Variants in SOX6 observed in about 807,000 individuals in gnomAD.
SOX6 encodes SRY-box transcription factor 6, also known as transcription factor SOX-6.
In SOX6, 11 loss-of-function variants were observed where a neutral mutation model predicts 97.8. That is an observed-to-expected ratio of 0.11 (90% CI 0.07 to 0.19). SOX6 has a LOEUF of 0.19. Ranked by LOEUF, SOX6 falls within the 10% of genes least tolerant of loss-of-function variation. The pLI is 1.00. For missense variants in SOX6, 810 were observed against 1,039.5 expected (o/e 0.78, Z 3.04); for synonymous variants, 360 against 371.4 (o/e 0.97, Z 0.35).
chr11:16,181,736 A>C (rs1851353356), intron 6 of SOX6, among the ~76,000 whole-genome samples: 1 of 151,764 alleles, frequency 6.6e-6, no homozygotes, highest in Non-Finnish European at 1.5e-5. Context: ...GCAGTAGCTC[A>C]GGACAGAATG....
At chr11:16,132,301 AG>A (rs1564971837) in intron 6 of SOX6, among the ~76,000 whole-genome samples, 1 of 127,710 alleles carries the variant, frequency 7.8e-6, no homozygotes, top group African/African-American at 3.1e-5. Flanking sequence ...GAAGGAAGGA[AG>A]GAAGGAAGGA....
intron 3 of SOX6, among the ~76,000 whole-genome samples, chr11:16,272,184 T>C (rs1415260674): frequency 6.6e-6 from 1 of 151,618 alleles, no homozygotes; most frequent in East Asian, 1.9e-4. Context: ...TCAAAGTTTC[T>C]TTATTTCATT....
intron 1 of SOX6, among the ~76,000 whole-genome samples, chr11:16,351,739 C>T (rs2164783): frequency 0.29 from 43,781 of 151,872 alleles, 6,860 homozygotes; most frequent in African/African-American, 0.38. Flanking sequence ...CAGTTAACTA[C>T]GATCTACCCC....
chr11:16,461,085 A>G (rs1859916202), intron 1 of SOX6, among the ~76,000 whole-genome samples: 1 of 152,136 alleles, frequency 6.6e-6, no homozygotes, highest in Admixed American at 6.6e-5. Flanking sequence ...ATGAGATGGA[A>G]ATGGATTTGC....
chr11:16,253,772 GA>G (rs1368002924), intron 3 of SOX6, among the ~76,000 whole-genome samples: 1 of 151,840 alleles, frequency 6.6e-6, no homozygotes, highest in African/African-American at 2.4e-5. Flanking sequence ...AGAAGGAAAA[GA>G]AAAAGAGAAA....
chr11:16,451,975 C>T (rs1022203535), intron 1 of SOX6, among the ~76,000 whole-genome samples: 2 of 58,740 alleles, frequency 3.4e-5, no homozygotes, highest in Middle Eastern at 0.017. Context: ...AGAGCAAGAC[C>T]CTATCTAAAA....
intron 3 of SOX6, among the ~76,000 whole-genome samples, chr11:16,688,732 AATTG>A (rs1276942138): frequency 1.3e-5 from 2 of 152,078 alleles, no homozygotes; most frequent in Non-Finnish European, 2.9e-5. Context: ...GGTAAGTTTC[AATTG>A]ATTGATTGTT....
chr11:16,509,413 C>T (rs1453862281), intron 4 of SOX6, among the ~76,000 whole-genome samples: 7 of 151,948 alleles, frequency 4.6e-5, no homozygotes, highest in African/African-American at 1.7e-4. Context: ...TTTACATTTC[C>T]CTCGAGTCAG....
At chr11:16,116,639 A>G (rs1417845195) in intron 6 of SOX6, among the ~76,000 whole-genome samples, 1 of 152,204 alleles carries the variant, frequency 6.6e-6, no homozygotes, top group Admixed American at 6.5e-5. Flanking sequence ...CAACCAGAGT[A>G]CTGACATTGA....
At chr11:16,309,011 AC>A (rs1350255095) in intron 3 of SOX6, among the ~76,000 whole-genome samples, 1 of 152,246 alleles carries the variant, frequency 6.6e-6, no homozygotes, top group Non-Finnish European at 1.5e-5. Context: ...AAAGGTATAG[AC>A]AGTTAAAGCT....
Position 16,651,543 on chromosome 11 carries a change from T to C in SOX6, n.430-39283A>G, listed in dbSNP as rs144793379. On this transcript the variant is annotated intron_variant and non_coding_transcript_variant, in intron 3 of 5. Transcript: ENST00000524520. ...AAAATCATGTGATCATCTCAATAGA[T>C]GTAGAAAAAGCATTTGACAAAATCC... is the stretch of plus-strand genomic sequence containing the variant. Among the ~76,000 whole-genome samples, 1,086 of 152,236 alleles carry C rather than the reference T, an allele frequency of 7.1e-3. 15 individuals carry two copies. The highest frequency in any genetic ancestry group is 0.024 in the African/African-American group (980 of 41,568).
chr11:16,437,300 C>A (rs796819012), intron 1 of SOX6, among the ~76,000 whole-genome samples: 11 of 151,536 alleles, frequency 7.3e-5, no homozygotes, highest in African/African-American at 2.4e-4. Context: ...AGGTAAGGGC[C>A]TTAGAAATTC....
intron 1 of SOX6, among the ~76,000 whole-genome samples, chr11:16,373,403 TC>T (rs1229934907): frequency 2.0e-5 from 3 of 152,102 alleles, no homozygotes; most frequent in Non-Finnish European, 4.4e-5. Flanking sequence ...ACCTCACTCT[TC>T]CTTTCACACT....
intron 4 of SOX6, among the ~76,000 whole-genome samples, chr11:16,572,461 TG>T (rs1274645411): frequency 6.6e-6 from 1 of 152,178 alleles, no homozygotes; most frequent in East Asian, 1.9e-4. Context: ...CAGACAAAAA[TG>T]ACTAATATTT....
At chr11:16,010,125 T>TACACACACAC (rs67556517) in intron 13 of SOX6, among the ~76,000 whole-genome samples, 258 of 135,564 alleles carry the variant, frequency 1.9e-3, no homozygotes, top group African/African-American at 3.5e-3. Context: ...CAGTTGGAGC[T>TACACACACAC]ACACACACAC....
intron 1 of SOX6, among the ~76,000 whole-genome samples, chr11:16,363,937 G>A (rs973421581): frequency 6.6e-6 from 1 of 151,978 alleles, no homozygotes; most frequent in African/African-American, 2.4e-5. Flanking sequence ...AAAAACCCAA[G>A]TCTTCTGACA....
intron 15 of SOX6, among the ~76,000 whole-genome samples, chr11:15,973,444 A>C (rs1189653532): frequency 1.3e-5 from 2 of 152,230 alleles, no homozygotes; most frequent in African/African-American, 4.8e-5. Context: ...ACAATGTTAC[A>C]TGTGAAATAA....
chr11:16,259,506 A>G (rs767319553), intron 3 of SOX6, among the ~76,000 whole-genome samples: 1 of 152,136 alleles, frequency 6.6e-6, no homozygotes, highest in Non-Finnish European at 1.5e-5. Context: ...AAATTAAAGG[A>G]GCTGACTGCC....
At position 15,988,886 on chromosome 11, in the gene SOX6, G is replaced by C. The variant is rs540117853; in HGVS notation, c.1966+111C>G. The C allele has an allele frequency of 3.6e-6, 4 of 1,103,878 alleles. No individual in the cohort carries two copies. The East Asian group carries it at 9.5e-5, about 26-fold the overall frequency. 68.4% of individuals were successfully genotyped at this position (1,103,878 alleles called of 1,614,324 possible). On this transcript the variant is annotated intron_variant, in intron 14 of 15. Transcript: ENST00000683767. The stretch of plus-strand genomic sequence containing the variant: ...GCTGGCTGACCTTCGTCTAACTTGC[G>C]CCCGCCACAATCTCCCTTAGGATCC...
Sources: gnomAD v4.1 joint callset for allele counts (sites outside exome capture counted in the v4.1 genomes callset) on GRCh38, gnomAD v4.1.1 for gene constraint, MANE v1.5 for transcripts, NCBI Gene and HGNC (gene_info 2026-07-23, HGNC 2026-07-21) for gene names.